FAM227A: variants seen among roughly 807,000 people sequenced by gnomAD.
FAM227A encodes the protein family with sequence similarity 227 member A, also known as protein FAM227A.
A neutral mutation model predicts 74.7 loss-of-function variants in FAM227A; 80 were observed. That is an observed-to-expected ratio of 1.07 (90% CI 0.89 to 1.29). The LOEUF (loss-of-function observed/expected upper bound fraction) is 1.29. FAM227A is among the 50% of genes most tolerant of loss of function. The probability of loss-of-function intolerance (pLI) is 0.00; values close to 1 mark genes in which losing one functional copy is unlikely to be tolerated. For missense variants in FAM227A, 654 were observed against 683.4 expected (o/e 0.96, Z 0.48); for synonymous variants, 237 against 241.8 (o/e 0.98, Z 0.19).
intron 10 of FAM227A, 55 bp from the exon 11 acceptor site, chr22:38,620,346 T>G (rs1476211733): frequency 1.5e-5 from 21 of 1,397,040 alleles, no homozygotes; most frequent in Non-Finnish European, 1.8e-5. Context: ...CAATGAAGAT[T>G]GTAGCCCAGG....
At chr22:38,655,732 C>G (rs1287831385) in intron 1 of FAM227A, among the ~76,000 whole-genome samples, 1 of 152,082 alleles carries the variant, frequency 6.6e-6, no homozygotes, top group Non-Finnish European at 1.5e-5. Flanking sequence ...CAATGCTAAG[C>G]CAGATTGTGA....
In FAM227A at chr22:38,578,727, T is replaced by G. The variant is rs1226434145; in HGVS notation, c.*7398A>C. The G allele has an allele frequency of 6.6e-6, 1 of 152,106 alleles. No individual in the cohort carries two copies. Among genetic ancestry groups the G allele is most frequent in the African/African-American group, 2.4e-5 (1 of 41,398 alleles). The allele number at this position is 152,106 out of a possible 1,614,324, so 9.4% of individuals were successfully genotyped here. The stretch of plus-strand genomic sequence containing the variant: ...TGGTGGCCCTTAGCTTGGGGCTGGA[T>G]CAGTGAGGATTTGTCAATCGGGCAG... On this transcript the variant is annotated 3_prime_UTR_variant, in exon 17 of 17. Transcript: ENST00000535113.
In FAM227A at chr22:38,638,898, C is replaced by T. The variant is rs2092056546; in HGVS notation, c.296-76G>A. 3 of 925,116 alleles carry T rather than the reference C, an allele frequency of 3.2e-6. 1 individual carries two copies. In the South Asian group the frequency reaches 5.4e-5, roughly 17 times the overall value. 57.3% of individuals were successfully genotyped at this position (925,116 alleles called of 1,614,324 possible). ...CAGCTGTGCGGTGCTTACAACTGTG[C>T]TTTTTCATTCCACTTGAGCTGCCAG... On this transcript the variant is annotated intron_variant, in intron 4 of 16. Transcript: ENST00000535113.
rs2092056448 is a variant in FAM227A at position 38,638,894 on chromosome 22, T to C, written c.296-72A>G. On this transcript the variant is annotated intron_variant, in intron 4 of 16. Transcript: ENST00000535113. ...TCCACAGCTGTGCGGTGCTTACAAC[T>C]GTGCTTTTTCATTCCACTTGAGCTG... The C allele has an allele frequency of 9.9e-6, 10 of 1,012,508 alleles. No homozygotes were observed. In the East Asian group the frequency reaches 2.8e-4, roughly 28 times the overall value. 62.7% of individuals were successfully genotyped at this position (1,012,508 alleles called of 1,614,324 possible).
chr22:38,610,790 G>A (rs761596922), intron 11 of FAM227A, among the ~76,000 whole-genome samples: 3 of 152,184 alleles, frequency 2.0e-5, no homozygotes, highest in Admixed American at 6.5e-5. Flanking sequence ...GGGCCGGCGC[G>A]GTGGCTCACG....
At position 38,638,692 on chromosome 22, in the gene FAM227A, A is replaced by C. The variant is rs2092052294; in HGVS notation, c.372+54T>G. The C allele has an allele frequency of 3.1e-6, 4 of 1,308,096 alleles. No homozygotes were observed. In the East Asian group the frequency reaches 1.0e-4, roughly 33 times the overall value. 81.0% of individuals were successfully genotyped at this position (1,308,096 alleles called of 1,614,324 possible). Reference sequence around the variant, plus strand: ...TCTCCTCCCCAGGAATAAAATCTTTATTTCATGCCTAGCAGAAGCCGGTCA... The same window carrying C: ...TCTCCTCCCCAGGAATAAAATCTTTCTTTCATGCCTAGCAGAAGCCGGTCA... On this transcript the variant is annotated intron_variant, in intron 5 of 16. Transcript: ENST00000535113.
intron 13 of FAM227A, among the ~76,000 whole-genome samples, chr22:38,604,051 G>A (rs1407788479): frequency 2.6e-5 from 4 of 152,094 alleles, no homozygotes; most frequent in Admixed American, 2.0e-4. Context: ...ATTAGCCCAG[G>A]GGTGGTGGCT....
intron 5 of FAM227A, among the ~76,000 whole-genome samples, chr22:38,637,335 G>A (rs1317897240): frequency 3.9e-5 from 6 of 151,998 alleles, no homozygotes; most frequent in Non-Finnish European, 5.9e-5. Context: ...CTAATATCAC[G>A]AATAGCTTGG....
chr22:38,613,549 T>C (rs969418836), intron 11 of FAM227A, among the ~76,000 whole-genome samples: 2 of 149,220 alleles, frequency 1.3e-5, no homozygotes, highest in East Asian at 2.0e-4. Flanking sequence ...AGGATCCTAA[T>C]ACTATGTGTT....
chr22:38,592,189 C>A (rs189194437), intron 15 of FAM227A, among the ~76,000 whole-genome samples: 2 of 151,972 alleles, frequency 1.3e-5, no homozygotes, highest in African/African-American at 4.8e-5. Flanking sequence ...CCTCATGATC[C>A]GCCCACCTCG....
At chr22:38,616,752 G>A (rs541625841) in intron 11 of FAM227A, among the ~76,000 whole-genome samples, 100 of 152,144 alleles carry the variant, frequency 6.6e-4, no homozygotes, top group Middle Eastern at 6.8e-3. Flanking sequence ...ATGAAAGCAC[G>A]GCTGTTCAGT....
At position 38,580,586 on chromosome 22, in the gene FAM227A, A is replaced by C. The variant is rs1485897185; in HGVS notation, c.*5539T>G. On this transcript the variant is annotated 3_prime_UTR_variant, in exon 17 of 17. Coordinates refer to ENST00000535113, the MANE Select transcript of FAM227A (RefSeq NM_001013647.2). ...ATTCATTAGGGGTTTCAAAATGGTGATATTTTAAGTCTATCATTATTTCTG... is the reference window on the plus strand; with the variant it reads ...ATTCATTAGGGGTTTCAAAATGGTGCTATTTTAAGTCTATCATTATTTCTG... 6.6e-6 allele frequency: 1 copy of C among 152,192 alleles called. No homozygotes were observed. Among genetic ancestry groups the C allele is most frequent in the African/African-American group, 2.4e-5 (1 of 41,436 alleles). The allele number at this position is 152,192 out of a possible 1,614,324, so 9.4% of individuals were successfully genotyped here.
chr22:38,582,228 C>T lies in FAM227A; in HGVS notation c.*3897G>A. ...AACCCCTTCCAGCTTCCCTCCTATC[C>T]CCTCTCCAGCTATCCCTCCTGTTCT... On this transcript the variant is annotated 3_prime_UTR_variant, in exon 17 of 17. Coordinates refer to ENST00000535113, the MANE Select transcript of FAM227A (RefSeq NM_001013647.2). 1 of 1,047,462 alleles carries T rather than the reference C, an allele frequency of 9.5e-7. No individual in the cohort carries two copies. The highest frequency in any genetic ancestry group is 1.4e-6 in the Non-Finnish European group (1 of 725,316). 64.9% of individuals were successfully genotyped at this position (1,047,462 alleles called of 1,614,324 possible). A position where few individuals can be genotyped will look rare whatever the true frequency, so the allele number is the denominator to read the frequency against.
chr22:38,598,266 G>A (rs1186054038), intron 14 of FAM227A, among the ~76,000 whole-genome samples: 1 of 152,118 alleles, frequency 6.6e-6, no homozygotes, highest in Non-Finnish European at 1.5e-5. Context: ...AGTATCAGCT[G>A]TATGCCATTT....
In FAM227A at chr22:38,656,149, C is replaced by T. The variant is rs551717709; in HGVS notation, c.-124G>A. The T allele has an allele frequency of 1.3e-5, 2 of 152,354 alleles. No homozygotes were observed. The highest frequency in any genetic ancestry group is 1.3e-4 in the Admixed American group (2 of 15,294). The allele number at this position is 152,354 out of a possible 1,614,324, so 9.4% of individuals were successfully genotyped here. A position where few individuals can be genotyped will look rare whatever the true frequency, so the allele number is the denominator to read the frequency against. On this transcript the variant is annotated 5_prime_UTR_variant, in exon 1 of 17. Coordinates refer to ENST00000535113, the MANE Select transcript of FAM227A (RefSeq NM_001013647.2). ...AAGCATCGGCGGAATTTGACGAACC[C>T]GGGGCCGGTCCCGCCACGGGTCCCT...
At chr22:38,653,874 C>T (rs2092354651) in intron 1 of FAM227A, 1 of 152,158 alleles carries the variant, frequency 6.6e-6, no homozygotes, top group South Asian at 2.1e-4. Flanking sequence ...TGGTCCCTGC[C>T]CTCAAGGGGC....
intron 11 of FAM227A, among the ~76,000 whole-genome samples, chr22:38,613,254 C>T (rs188978529): frequency 5.9e-5 from 4 of 67,684 alleles, no homozygotes; most frequent in Non-Finnish European, 1.0e-4. Context: ...TAATATATAA[C>T]ATATATTATA....
intron 11 of FAM227A, among the ~76,000 whole-genome samples, chr22:38,616,446 T>G (rs935276380): frequency 6.6e-6 from 1 of 152,074 alleles, no homozygotes; most frequent in Non-Finnish European, 1.5e-5. Flanking sequence ...GTGGATTGCC[T>G]GAGATCAGGA....
intron 1 of FAM227A, among the ~76,000 whole-genome samples, chr22:38,652,302 CT>C: frequency 6.6e-6 from 1 of 151,122 alleles, no homozygotes; most frequent in Non-Finnish European, 1.5e-5. Context: ...ACAACGCTGA[CT>C]TTAGGCCAGG....
Sources: gnomAD v4.1 joint callset for allele counts (sites outside exome capture counted in the v4.1 genomes callset) on GRCh38, gnomAD v4.1.1 for gene constraint, MANE v1.5 for transcripts, NCBI Gene and HGNC (gene_info 2026-07-23, HGNC 2026-07-21) for gene names.